ADAM2: variants seen among roughly 807,000 people sequenced by gnomAD.
ADAM2 encodes the protein ADAM metallopeptidase domain 2.
A neutral mutation model predicts 99.3 loss-of-function variants in ADAM2; 101 were observed. The observed-to-expected ratio is 1.02, with a 90% CI of 0.87 to 1.20. The LOEUF (loss-of-function observed/expected upper bound fraction) is 1.20, where lower values mean the gene tolerates loss of function less well. Among genes scored for constraint, ADAM2 ranks in the 50% most tolerant of loss-of-function variants. The probability of loss-of-function intolerance (pLI) is 0.00; values close to 1 mark genes in which losing one functional copy is unlikely to be tolerated. For missense variants in ADAM2, 948 were observed against 878.7 expected, an observed-to-expected ratio of 1.08 and a Z score of -1.00; for synonymous variants, 323 against 287.6, an observed-to-expected ratio of 1.12 and a Z score of -1.25.
intron 11 of ADAM2, among the ~76,000 whole-genome samples, chr8:39,770,114 T>C (rs906391020): frequency 6.6e-6 from 1 of 151,850 alleles, no homozygotes; most frequent in African/African-American, 2.4e-5. Flanking sequence ...ACCTACTAAT[T>C]TTTGTATTTT....
chr8:39,747,030 A>G (rs1261769733), intron 18 of ADAM2, among the ~76,000 whole-genome samples: 2 of 152,198 alleles, frequency 1.3e-5, no homozygotes, highest in East Asian at 3.8e-4. Flanking sequence ...AATTTGGTTC[A>G]GTTCACCTGT....
At chr8:39,768,041 T>C (rs546742847) in intron 12 of ADAM2, among the ~76,000 whole-genome samples, 9 of 152,250 alleles carry the variant, frequency 5.9e-5, no homozygotes, top group Non-Finnish European at 1.2e-4. Flanking sequence ...TATAGCAAGA[T>C]ACTTGGAAGC....
At chr8:39,748,879 A>G (rs1446614370) in intron 18 of ADAM2, among the ~76,000 whole-genome samples, 1 of 152,110 alleles carries the variant, frequency 6.6e-6, no homozygotes, top group East Asian at 1.9e-4. Flanking sequence ...CAATCCTGCT[A>G]TACATCCCTG....
At chr8:39,773,709 G>A (rs1371050754) in intron 11 of ADAM2, among the ~76,000 whole-genome samples, 1 of 151,758 alleles carries the variant, frequency 6.6e-6, no homozygotes, top group African/African-American at 2.4e-5. Context: ...TCTCAAAAAT[G>A]ACCAATTAAA....
In ADAM2 at chr8:39,749,362, C is replaced by G. The variant is rs761170628; in HGVS notation, c.1964G>C (p.Ser655Thr). ...SVQSDLWPGGSIDSGNFPPVA... is the reference protein window; with the variant it reads ...SVQSDLWPGGTIDSGNFPPVA... The stretch of plus-strand genomic sequence containing the variant: ...AGGTGGAAAATTGCCACTGTCAATA[C>G]TCCCACCAGGCCATAGATCTGATTG... The change falls in exon 18 of 21, where the codon AGT becomes ACT. Residue 655 changes from serine (S) to threonine (T), a missense_variant. Transcript: ENST00000265708. 1 of 1,613,076 alleles carries G rather than the reference C, an allele frequency of 6.2e-7. No individual in the cohort carries two copies. The highest frequency in any genetic ancestry group is 1.3e-5 in the African/African-American group (1 of 74,836).
chr8:39,838,147 C>G lies in ADAM2; in HGVS notation c.39G>C (p.Gly13=). Residue 13 remains glycine, a synonymous_variant, in exon 1 of 21, where the codon GGG becomes GGC. Transcript: ENST00000265708. ...TCTGCTTACTACTGTCCATCCGCAG[C>G]CCGCCGAGCCCGCTGAGCAGAAACA... is the stretch of plus-strand genomic sequence containing the variant. ...RVLFLLSGLG[G]LRMDSNFDSL... is the part of the protein sequence containing the mutation. 6.2e-7 allele frequency: 1 copy of G among 1,614,142 alleles called. No individual in the cohort carries two copies.
rs543173342 is a variant in ADAM2, at chr8:39,829,736, T to C, written c.188+4208A>G. Among the ~76,000 whole-genome samples the C allele has an allele frequency of 9.8e-4, 149 of 152,086 alleles. 1 individual carries two copies. The highest frequency in any genetic ancestry group is 3.5e-3 in the African/African-American group (144 of 41,536). ...AACCAAACTAGACAGAAACAAAATGTTCAAAATAAGATGAAATAAATTGTT... is the reference window on the plus strand; with the variant it reads ...AACCAAACTAGACAGAAACAAAATGCTCAAAATAAGATGAAATAAATTGTT... On this transcript the variant is annotated intron_variant, in intron 3 of 20. Transcript: ENST00000265708.
intron 7 of ADAM2, among the ~76,000 whole-genome samples, chr8:39,794,148 T>G (rs1466684852): frequency 6.6e-6 from 1 of 152,164 alleles, no homozygotes; most frequent in Non-Finnish European, 1.5e-5. Context: ...GACTAAAAAC[T>G]GCAAGACCTG....
rs1803909501 is a variant in ADAM2 at position 39,795,718 on chromosome 8, GT to G, written c.571-6979del. Among the ~76,000 whole-genome samples, 24 of 152,248 alleles carry G rather than the reference GT, an allele frequency of 1.6e-4. 1 individual carries two copies. The South Asian group carries it at 3.9e-3, about 25-fold the overall frequency. On this transcript the variant is annotated intron_variant, in intron 7 of 20. Transcript: ENST00000265708. ...CCTCCTAAGACTGTGTTAAGGGCAT[GT>G]TCTTAACCTTGGCAAAACAAACTTT...
intron 7 of ADAM2, among the ~76,000 whole-genome samples, chr8:39,808,964 T>G (rs1010605350): frequency 6.6e-6 from 1 of 152,076 alleles, no homozygotes; most frequent in Non-Finnish European, 1.5e-5. Context: ...TATTGATCAC[T>G]TATTTTACCC....
chr8:39,828,702 A>C (rs929851869), intron 3 of ADAM2, among the ~76,000 whole-genome samples: 5 of 151,900 alleles, frequency 3.3e-5, no homozygotes, highest in African/African-American at 1.2e-4. Flanking sequence ...TCTAAGAATG[A>C]GCATTTAAAC....
At chr8:39,744,934 G>A (rs1303948161) in intron 19 of ADAM2, 41 bp from the exon 20 acceptor site, 1 of 1,496,142 alleles carries the variant, frequency 6.7e-7, no homozygotes, top group Admixed American at 1.8e-5. Context: ...CTTTCTTCAA[G>A]ATGATTTTAC....
intron 6 of ADAM2, among the ~76,000 whole-genome samples, chr8:39,815,421 A>G (rs1162155125): frequency 6.6e-6 from 1 of 152,184 alleles, no homozygotes; most frequent in Non-Finnish European, 1.5e-5. Flanking sequence ...ACTCAAATTT[A>G]GGAATTAAAT....
chr8:39,752,155 A>T (rs796998665), intron 16 of ADAM2, among the ~76,000 whole-genome samples: 2 of 152,212 alleles, frequency 1.3e-5, no homozygotes, highest in African/African-American at 2.4e-5. Context: ...TGAAGGCAGC[A>T]CTCCTCCAGT....
intron 7 of ADAM2, among the ~76,000 whole-genome samples, chr8:39,798,728 G>T (rs909627157): frequency 6.6e-6 from 1 of 152,064 alleles, no homozygotes; most frequent in Non-Finnish European, 1.5e-5. Flanking sequence ...CTTGTTATTG[G>T]TCTATTCAGA....
chr8:39,787,422 C>G (rs1803510417), intron 9 of ADAM2, among the ~76,000 whole-genome samples: 1 of 151,372 alleles, frequency 6.6e-6, no homozygotes, highest in Non-Finnish European at 1.5e-5. Context: ...ACTAAAGTCT[C>G]TCATTATTCA....
intron 11 of ADAM2, among the ~76,000 whole-genome samples, chr8:39,774,942 T>C (rs1802928854): frequency 6.6e-6 from 1 of 152,038 alleles, no homozygotes. Flanking sequence ...AACTTGATTG[T>C]AGGAATTTTA....
chr8:39,803,341 G>T (rs955060333), intron 7 of ADAM2, among the ~76,000 whole-genome samples: 5 of 152,124 alleles, frequency 3.3e-5, no homozygotes, highest in Admixed American at 6.6e-5. Flanking sequence ...GGCCTTCTGA[G>T]AATTCAAGGA....
At chr8:39,789,057 T>C (rs1803593448) in intron 7 of ADAM2, among the ~76,000 whole-genome samples, 1 of 151,606 alleles carries the variant, frequency 6.6e-6, no homozygotes, top group African/African-American at 2.4e-5. Flanking sequence ...CCGGAATGTT[T>C]AGATGTGTGT....
Sources: allele counts gnomAD v4.1 joint callset (sites outside exome capture counted in the v4.1 genomes callset), GRCh38; gene constraint gnomAD v4.1.1; transcripts MANE v1.5; gene names NCBI Gene and HGNC (gene_info 2026-07-23, HGNC 2026-07-21).